Variants in CNTN4 observed in about 807,000 individuals in gnomAD.
CNTN4 encodes contactin 4.
Under a neutral mutation model 122.5 loss-of-function variants are expected in CNTN4, and 77 were observed. The ratio of observed to expected loss-of-function variants is 0.63; its 90% CI spans 0.52 to 0.76. The LOEUF is 0.76. CNTN4 is among the 30% of genes least tolerant of loss of function. The pLI is 0.00. For synonymous variants in CNTN4, 512 were observed against 447.0 expected (o/e 1.15, Z -1.83); for missense variants, 1,256 against 1,259.1 (o/e 1.00, Z 0.04).
intron 4 of CNTN4, among the ~76,000 whole-genome samples, chr3:2,619,418 A>G (rs2081910275): frequency 1.3e-5 from 2 of 152,234 alleles, no homozygotes; most frequent in South Asian, 2.1e-4. Flanking sequence ...TCAAATGAAT[A>G]TCTTGAAGAA....
At chr3:2,825,199 G>A (rs141075689) in intron 7 of CNTN4, among the ~76,000 whole-genome samples, 1 of 151,948 alleles carries the variant, frequency 6.6e-6, no homozygotes, top group Non-Finnish European at 1.5e-5. Context: ...TGGCAACACA[G>A]TGAGGCCGTC....
intron 13 of CNTN4, among the ~76,000 whole-genome samples, chr3:2,943,631 T>TATATATA (rs58830808): frequency 2.1e-4 from 8 of 37,442 alleles, no homozygotes; most frequent in South Asian, 1.8e-3. Context: ...TATATATATA[T>TATATATA]TTTTTTTTTT....
chr3:2,777,990 G>A (rs919558531), intron 6 of CNTN4, among the ~76,000 whole-genome samples: 2 of 151,852 alleles, frequency 1.3e-5, no homozygotes, highest in South Asian at 2.1e-4. Flanking sequence ...CGAGGTGGGC[G>A]GATCATGAGG....
intron 4 of CNTN4, among the ~76,000 whole-genome samples, chr3:2,659,782 G>T (rs1313193619): frequency 1.3e-5 from 2 of 152,120 alleles, no homozygotes. Flanking sequence ...ATATTTGTTT[G>T]ATTGTTTTCT....
chr3:2,842,807 G>T (rs1249298589), intron 7 of CNTN4, among the ~76,000 whole-genome samples: 4 of 151,762 alleles, frequency 2.6e-5, no homozygotes, highest in Non-Finnish European at 5.9e-5. Flanking sequence ...AACTCTCTTG[G>T]TACCCCCTTT....
At chr3:2,413,012 T>C (rs2047282318) in intron 3 of CNTN4, among the ~76,000 whole-genome samples, 1 of 152,242 alleles carries the variant, frequency 6.6e-6, no homozygotes, top group Non-Finnish European at 1.5e-5. Flanking sequence ...TCCAAGTATG[T>C]ACATTATTTT....
chr3:3,004,478 G>C (rs1471093027), intron 14 of CNTN4, among the ~76,000 whole-genome samples: 1 of 152,166 alleles, frequency 6.6e-6, no homozygotes, highest in African/African-American at 2.4e-5. Context: ...GGACAGAGAA[G>C]GTCTCTGACA....
At chr3:2,172,530 T>G (rs2149249449) in intron 2 of CNTN4, among the ~76,000 whole-genome samples, 1 of 152,224 alleles carries the variant, frequency 6.6e-6, no homozygotes, top group African/African-American at 2.4e-5. Context: ...AAAAACCACC[T>G]GTACCCTAAA....
At chr3:2,606,290 G>C (rs1445067073) in intron 4 of CNTN4, among the ~76,000 whole-genome samples, 2 of 152,006 alleles carry the variant, frequency 1.3e-5, no homozygotes, top group Non-Finnish European at 2.9e-5. Context: ...AACCTAATTT[G>C]TCTTTGACAC....
chr3:2,858,466 C>G (rs976752428), intron 7 of CNTN4, among the ~76,000 whole-genome samples: 1 of 152,204 alleles, frequency 6.6e-6, no homozygotes, highest in Non-Finnish European at 1.5e-5. Context: ...TGGCTCACAC[C>G]TGTAATCCCA....
At chr3:2,252,261 T>G (rs1041419764) in intron 2 of CNTN4, among the ~76,000 whole-genome samples, 1 of 152,130 alleles carries the variant, frequency 6.6e-6, no homozygotes, top group Non-Finnish European at 1.5e-5. Flanking sequence ...TTAAGTACAG[T>G]GGTAAATAAA....
intron 3 of CNTN4, among the ~76,000 whole-genome samples, chr3:2,418,948 G>A (rs2047516810): frequency 6.6e-6 from 1 of 152,146 alleles, no homozygotes. Context: ...TGGATCTCAT[G>A]CCAGGACAAG....
intron 4 of CNTN4, among the ~76,000 whole-genome samples, chr3:2,656,185 C>G (rs1313171830): frequency 6.6e-6 from 1 of 152,106 alleles, no homozygotes; most frequent in African/African-American, 2.4e-5. Context: ...GAAGGAAGGA[C>G]AGATGTAATC....
At chr3:2,894,703 A>T (rs2094086647) in intron 10 of CNTN4, among the ~76,000 whole-genome samples, 1 of 152,098 alleles carries the variant, frequency 6.6e-6, no homozygotes, top group South Asian at 2.1e-4. Flanking sequence ...TTTGAAGATT[A>T]AAAAAATAAA....
intron 3 of CNTN4, among the ~76,000 whole-genome samples, chr3:2,536,823 T>C (rs868633917): frequency 6.6e-6 from 1 of 152,256 alleles, no homozygotes; most frequent in Middle Eastern, 3.4e-3. Flanking sequence ...ACATTTGATA[T>C]TGAGTAGATG....
intron 3 of CNTN4, among the ~76,000 whole-genome samples, chr3:2,480,347 C>T (rs72997997): frequency 0.06 from 9,062 of 152,154 alleles, 327 homozygotes; most frequent in African/African-American, 0.088. Context: ...GATGACATGA[C>T]TACCTATGTA....
intron 2 of CNTN4, among the ~76,000 whole-genome samples, chr3:2,110,067 G>A (rs751647486): frequency 2.6e-5 from 4 of 152,166 alleles, no homozygotes; most frequent in Non-Finnish European, 5.9e-5. Flanking sequence ...TTCATTTTCT[G>A]CTTAAGCAGG....
intron 4 of CNTN4, among the ~76,000 whole-genome samples, chr3:2,603,021 G>C (rs1037044541): frequency 1.3e-5 from 2 of 151,938 alleles, no homozygotes; most frequent in Non-Finnish European, 1.5e-5. Context: ...GAGAGGAAAT[G>C]TTTTCTTCAC....
chr3:2,157,591 G>A (rs1274506423), intron 2 of CNTN4, among the ~76,000 whole-genome samples: 1 of 152,124 alleles, frequency 6.6e-6, no homozygotes, highest in Non-Finnish European at 1.5e-5. Flanking sequence ...TTTGGACAAG[G>A]TATTTAAGAT....
Sources: allele counts gnomAD v4.1 joint callset (sites outside exome capture counted in the v4.1 genomes callset), GRCh38; gene constraint gnomAD v4.1.1; transcripts MANE v1.5; gene names NCBI Gene and HGNC (gene_info 2026-07-23, HGNC 2026-07-21).